The following LRRIQ3 variants were observed in gnomAD, a reference collection of about 807,000 sequenced individuals.
LRRIQ3 encodes leucine-rich repeat and IQ domain-containing protein 3.
A neutral mutation model predicts 59.3 loss-of-function variants in LRRIQ3; 75 were observed. The ratio of observed to expected loss-of-function variants is 1.26; its 90% CI spans 1.05 to 1.53. LRRIQ3 has a LOEUF of 1.53. Ranked by LOEUF, LRRIQ3 falls within the 40% of genes most tolerant of loss-of-function variation. The probability of loss-of-function intolerance (pLI) is 0.00; values close to 1 mark genes in which losing one functional copy is unlikely to be tolerated. For missense variants in LRRIQ3, 831 were observed against 710.0 expected, an observed-to-expected ratio of 1.17 and a Z score of -1.94; for synonymous variants, 250 against 231.3, an observed-to-expected ratio of 1.08 and a Z score of -0.73.
intron 5 of LRRIQ3, chr1:74,083,988 T>G: frequency 2.2e-6 from 1 of 455,078 alleles, no homozygotes; most frequent in Non-Finnish European, 3.9e-6. Context: ...TTAATGCAAG[T>G]TTTAAAGTGT....
intron 5 of LRRIQ3, among the ~76,000 whole-genome samples, chr1:74,075,399 T>C (rs12044742): frequency 0.32 from 48,898 of 151,654 alleles, 8,396 homozygotes; most frequent in Middle Eastern, 0.45. Flanking sequence ...AAACCCTGTC[T>C]CTACTAAAAA....
At chr1:74,105,990 C>T (rs926955494) in intron 5 of LRRIQ3, among the ~76,000 whole-genome samples, 4 of 151,818 alleles carry the variant, frequency 2.6e-5, no homozygotes, top group African/African-American at 7.3e-5. Flanking sequence ...GAAGTGGTTC[C>T]GAGTAAGAGA....
chr1:74,192,089 G>C (rs762611652), intron 1 of LRRIQ3, among the ~76,000 whole-genome samples: 1 of 151,990 alleles, frequency 6.6e-6, no homozygotes, highest in Non-Finnish European at 1.5e-5. Flanking sequence ...ACAATGTAAA[G>C]CATCTAACCA....
chr1:74,195,835 G>A (rs575202358), intron 1 of LRRIQ3, among the ~76,000 whole-genome samples: 15 of 152,128 alleles, frequency 9.9e-5, no homozygotes, highest in Admixed American at 1.3e-4. Flanking sequence ...ACTCTGTGGC[G>A]AATTCTCTAG....
At chr1:74,110,819 A>G (rs1570131857) in intron 4 of LRRIQ3, among the ~76,000 whole-genome samples, 1 of 152,184 alleles carries the variant, frequency 6.6e-6, no homozygotes, top group East Asian at 1.9e-4. Flanking sequence ...AATAATTTAA[A>G]TAAGGCCGTT....
In LRRIQ3 at chr1:74,183,488, T is replaced by A. The variant is rs1448408602; in HGVS notation, c.197A>T (p.His66Leu). Reference sequence around the variant, plus strand: ...TAATTTTATACAACTTTGAAGTGGATGAATATCTGTAATAAAATTGTTTGA... The same window carrying A: ...TAATTTTATACAACTTTGAAGTGGAAGAATATCTGTAATAAAATTGTTTGA... ...IFSNNFITDIHPLQSCIKLIK... is the reference protein window; with the variant it reads ...IFSNNFITDILPLQSCIKLIK... Residue 66 changes from histidine to leucine, a missense_variant, in exon 2 of 8, where the codon CAT becomes CTT. His to Leu is a moderately conservative substitution (Grantham distance 99). Transcript: ENST00000354431. The A allele has an allele frequency of 6.2e-7, 1 of 1,609,654 alleles. No individual in the cohort carries two copies. The highest frequency in any genetic ancestry group is 8.5e-7 in the Non-Finnish European group (1 of 1,177,618).
intron 6 of LRRIQ3, among the ~76,000 whole-genome samples, chr1:74,051,771 G>T (rs1406733709): frequency 3.3e-5 from 5 of 151,986 alleles, no homozygotes; most frequent in East Asian, 1.9e-4. Flanking sequence ...TTTATAAGGG[G>T]TTTCATTATT....
At chr1:74,161,061 G>A (rs1003780167) in intron 3 of LRRIQ3, among the ~76,000 whole-genome samples, 2 of 151,994 alleles carry the variant, frequency 1.3e-5, no homozygotes, top group Non-Finnish European at 2.9e-5. Flanking sequence ...AGTTCTGGAG[G>A]CTGGGAAGTC....
At chr1:74,192,972 C>A (rs111836161) in intron 1 of LRRIQ3, among the ~76,000 whole-genome samples, 10 of 152,156 alleles carry the variant, frequency 6.6e-5, no homozygotes, top group African/African-American at 2.2e-4. Context: ...AATGACCAGG[C>A]CCCAGAGCAT....
chr1:74,138,520 T>A (rs1247283526), intron 4 of LRRIQ3: 1 of 984,024 alleles, frequency 1.0e-6, no homozygotes, highest in African/African-American at 1.7e-5. Flanking sequence ...TGTCTCAATA[T>A]GAGAAACAAA....
intron 4 of LRRIQ3, among the ~76,000 whole-genome samples, chr1:74,154,240 C>CAAACAAAAA (rs1648176929): frequency 3.5e-5 from 2 of 57,278 alleles, no homozygotes; most frequent in African/African-American, 1.5e-4. Context: ...GACTCCTTCT[C>CAAACAAAAA]AAAAAAAAAA....
intron 4 of LRRIQ3, among the ~76,000 whole-genome samples, chr1:74,123,442 C>G (rs1409012627): frequency 4.0e-5 from 6 of 151,814 alleles, no homozygotes; most frequent in African/African-American, 1.2e-4. Flanking sequence ...TGTCCCCATT[C>G]CACCCACCCT....
chr1:74,109,301 A>G (rs2100560451), intron 5 of LRRIQ3, 93 bp downstream of exon 5: 5 of 908,436 alleles, frequency 5.5e-6, no homozygotes, highest in Non-Finnish European at 8.4e-6. Flanking sequence ...AAGGACATTT[A>G]ATAGAGACTG....
intron 6 of LRRIQ3, among the ~76,000 whole-genome samples, chr1:74,072,538 G>T (rs188800854): frequency 4.0e-5 from 6 of 151,232 alleles, no homozygotes; most frequent in Admixed American, 3.3e-4. Flanking sequence ...TTTTTATCAC[G>T]TTCTTAAATT....
intron 5 of LRRIQ3, among the ~76,000 whole-genome samples, chr1:74,105,499 C>T (rs986684967): frequency 5.3e-5 from 8 of 151,906 alleles, no homozygotes; most frequent in African/African-American, 1.9e-4. Flanking sequence ...TTAATCTATC[C>T]ACCTTGGCCT....
intron 3 of LRRIQ3, among the ~76,000 whole-genome samples, chr1:74,169,476 G>T (rs1007708866): frequency 6.6e-6 from 1 of 152,092 alleles, no homozygotes; most frequent in Non-Finnish European, 1.5e-5. Context: ...ACTTTGTTGA[G>T]AAACCTCCAT....
At chr1:74,141,664 T>C (rs529161910) in intron 4 of LRRIQ3, among the ~76,000 whole-genome samples, 9 of 152,058 alleles carry the variant, frequency 5.9e-5, no homozygotes, top group Non-Finnish European at 1.0e-4. Flanking sequence ...GATACGTATT[T>C]TGTTTGATAA....
At chr1:74,064,573 A>T (rs1335743647) in intron 6 of LRRIQ3, among the ~76,000 whole-genome samples, 2 of 152,046 alleles carry the variant, frequency 1.3e-5, no homozygotes, top group African/African-American at 4.8e-5. Context: ...ACTTTCTTTC[A>T]TACACCTTCT....
intron 4 of LRRIQ3, among the ~76,000 whole-genome samples, chr1:74,145,751 AT>A (rs1647529034): frequency 6.6e-6 from 1 of 152,002 alleles, no homozygotes; most frequent in Non-Finnish European, 1.5e-5. Context: ...TAAATGTAGT[AT>A]TTTCTCTTCT....
Sources: gnomAD v4.1 joint callset for allele counts (sites outside exome capture counted in the v4.1 genomes callset) on GRCh38, gnomAD v4.1.1 for gene constraint, MANE v1.5 for transcripts, NCBI Gene and HGNC (gene_info 2026-07-23, HGNC 2026-07-21) for gene names.